SBNO2: variants seen among roughly 807,000 people sequenced by gnomAD.
The protein encoded by SBNO2 is strawberry notch homolog 2.
A neutral mutation model predicts 146.3 loss-of-function variants in SBNO2; 89 were observed. The ratio of observed to expected loss-of-function variants is 0.61; its 90% CI spans 0.51 to 0.73. SBNO2 has a LOEUF of 0.73. Ranked by LOEUF, SBNO2 falls within the 30% of genes least tolerant of loss-of-function variation. The pLI, the probability that SBNO2 is intolerant of heterozygous loss-of-function variation, is 0.00. For missense variants in SBNO2, 2,092 were observed against 2,003.7 expected, an observed-to-expected ratio of 1.04 and a Z score of -0.84; for synonymous variants, 1,147 against 892.6, an observed-to-expected ratio of 1.29 and a Z score of -5.08.
At chr19:1,118,880 CA>C (rs3842428) in intron 14 of SBNO2, 130 bp downstream of exon 14, 642 of 898,510 alleles carry the variant, frequency 7.1e-4, no homozygotes, top group Middle Eastern at 1.0e-3. Context: ...AAAAAAACAA[CA>C]AAAAAAAAAC....
Position 1,144,206 on chromosome 19 carries a change from G to A in SBNO2, c.279+3103C>T, listed in dbSNP as rs1285620534. ...CACACTCGACACCACAGAACCTTGC[G>A]GCCCAGCCCACAGGACTGAGCTGAC... On this transcript the variant is annotated intron_variant, in intron 4 of 31. Coordinates refer to ENST00000361757, the MANE Select transcript of SBNO2 (RefSeq NM_014963.3). This position sits in a 1 kb window ranked among gnomAD's most constrained non-coding sequence, Gnocchi z 4.1. Among the ~76,000 whole-genome samples the A allele has an allele frequency of 5.3e-5, 8 of 151,854 alleles. No individual in the cohort carries two copies. Among genetic ancestry groups the A allele is most frequent in the African/African-American group, 2.4e-5 (1 of 41,316 alleles).
intron 4 of SBNO2, among the ~76,000 whole-genome samples, chr19:1,138,519 A>G (rs1227787788): frequency 1.3e-5 from 2 of 152,028 alleles, no homozygotes; most frequent in African/African-American, 4.8e-5. Context: ...ACTCCTGGGT[A>G]TGAGCCCAAG....
chr19:1,123,920 C>T, intron 6 of SBNO2, 22 bp downstream of exon 6: 1 of 1,606,186 alleles, frequency 6.2e-7, no homozygotes, highest in East Asian at 2.2e-5. Flanking sequence ...GGGGAGGGAG[C>T]TCTCGGCTGG....
chr19:1,162,602 G>C (rs1209879050), intron 1 of SBNO2, among the ~76,000 whole-genome samples: 1 of 152,130 alleles, frequency 6.6e-6, no homozygotes, highest in African/African-American at 2.4e-5. Context: ...CATCGGCCTT[G>C]AGGGACCAGA....
intron 4 of SBNO2, chr19:1,128,035 T>G (rs1297181995): frequency 5.6e-6 from 3 of 539,478 alleles, no homozygotes; most frequent in Non-Finnish European, 1.0e-5. Context: ...AGCCTGGTTT[T>G]GAACTCCTGA....
chr19:1,170,154 C>A (rs993061469), intron 1 of SBNO2, among the ~76,000 whole-genome samples: 1 of 152,210 alleles, frequency 6.6e-6, no homozygotes, highest in African/African-American at 2.4e-5. Context: ...CTAATCTCCG[C>A]CTCCTCACGG....
At chr19:1,117,009 G>A (rs1355219117) in intron 15 of SBNO2, 83 bp from the exon 16 acceptor site, 9 of 1,233,440 alleles carry the variant, frequency 7.3e-6, no homozygotes, top group East Asian at 2.6e-5. Flanking sequence ...CTGGGGTGAT[G>A]GCCACATCCC....
intron 16 of SBNO2, among the ~76,000 whole-genome samples, chr19:1,116,447 G>T (rs1270439543): frequency 2.0e-5 from 3 of 152,042 alleles, no homozygotes; most frequent in Non-Finnish European, 4.4e-5. Flanking sequence ...GGGGGATCTA[G>T]GGGGGCTGCT....
chr19:1,141,753 C>T (rs921731565), intron 4 of SBNO2, among the ~76,000 whole-genome samples: 20 of 152,216 alleles, frequency 1.3e-4, no homozygotes, highest in Admixed American at 1.2e-3. Flanking sequence ...GACCCAAATA[C>T]TGGGACTACA....
Position 1,111,617 on chromosome 19 carries a change from A to AG in SBNO2, c.2701-4dup. On this transcript the variant is annotated splice_polypyrimidine_tract_variant and splice_region_variant and intron_variant, in intron 23 of 31. Transcript: ENST00000361757. ...CAGTGCAGGGCCCGGGTGCCATACT[A>AG]GGGGGAGAAGGTGACTCGGGGAGGA... The AG allele has an allele frequency of 6.4e-7, 1 of 1,573,976 alleles. No homozygotes were observed. Among genetic ancestry groups the AG allele is most frequent in the Non-Finnish European group, 8.6e-7 (1 of 1,159,452 alleles).
In SBNO2 at chr19:1,126,741, G is replaced by A. The variant is rs543086838; in HGVS notation, c.441+863C>T. Among the ~76,000 whole-genome samples the A allele has an allele frequency of 1.2e-3, 186 of 152,308 alleles. 1 individual carries two copies. Among genetic ancestry groups the A allele is most frequent in the African/African-American group, 4.1e-3 (169 of 41,572 alleles). Reference sequence around the variant, plus strand: ...GCGGAGGCTGGCATGGGCCCTCACCGGAAGGCGCTCAGTCCCAGAGACATG... The same window carrying A: ...GCGGAGGCTGGCATGGGCCCTCACCAGAAGGCGCTCAGTCCCAGAGACATG... On this transcript the variant is annotated intron_variant, in intron 5 of 31. Coordinates refer to ENST00000361757, the MANE Select transcript of SBNO2 (RefSeq NM_014963.3). This position sits in a 1 kb window ranked among gnomAD's most constrained non-coding sequence, Gnocchi z 4.4.
At chr19:1,131,232 C>T (rs1458744026) in intron 4 of SBNO2, among the ~76,000 whole-genome samples, 2 of 152,188 alleles carry the variant, frequency 1.3e-5, no homozygotes, top group African/African-American at 2.4e-5. Flanking sequence ...TCAGCGGACC[C>T]AGTGCCTCCC....
chr19:1,109,219 C>G lies in SBNO2; in HGVS notation c.3349-8G>C, dbSNP rs1164634647. ...GGCCTCCTCCGCGGTGACCTAGGGA[C>G]ACAGGGCCGCATGAGCCTGGGCGGG... is the stretch of plus-strand genomic sequence containing the variant. On this transcript the variant is annotated splice_region_variant and splice_polypyrimidine_tract_variant and intron_variant, in intron 29 of 31. Transcript: ENST00000361757. The surrounding 1 kb of genome is among the most constrained non-coding windows in gnomAD (Gnocchi z 4.2). 6.4e-7 allele frequency: 1 copy of G among 1,569,132 alleles called. No homozygotes were observed. The highest frequency in any genetic ancestry group is 1.9e-5 in the Admixed American group (1 of 53,034).
Position 1,174,239 on chromosome 19 carries a change from C to A in SBNO2, c.-194G>T, listed in dbSNP as rs1216947535. The A allele has an allele frequency of 6.6e-6, 1 of 151,764 alleles. No individual in the cohort carries two copies. Among genetic ancestry groups the A allele is most frequent in the African/African-American group, 2.4e-5 (1 of 41,328 alleles). 9.4% of individuals were successfully genotyped at this position (151,764 alleles called of 1,614,324 possible). On this transcript the variant is annotated 5_prime_UTR_variant, in exon 1 of 32. Coordinates refer to ENST00000361757, the MANE Select transcript of SBNO2 (RefSeq NM_014963.3). Reference sequence around the variant, plus strand: ...TTTCTCCGAGCCTCGCAGCTGCCGCCGCTCACTTCCGGGTTTCGGGCGCCA... The same window carrying A: ...TTTCTCCGAGCCTCGCAGCTGCCGCAGCTCACTTCCGGGTTTCGGGCGCCA...
rs1401043740 is a variant in SBNO2, at chr19:1,166,181, T to C, written c.-127+7991A>G. Among the ~76,000 whole-genome samples the C allele has an allele frequency of 7.5e-3, 285 of 37,942 alleles. 3 individuals are homozygous for C. Among genetic ancestry groups the C allele is most frequent in the African/African-American group, 0.032 (276 of 8,692 alleles). The allele number at this position is 37,942 out of a possible 152,430, so 24.9% of individuals were successfully genotyped here. A position where few individuals can be genotyped will look rare whatever the true frequency, so the allele number is the denominator to read the frequency against. ...AGACTTCAGATCCCCAGACCCCAGA[T>C]CCCAGACTTCAGATCCCCGGATCCC... On this transcript the variant is annotated intron_variant, in intron 1 of 31. Transcript: ENST00000361757.
rs776228232 is a variant in SBNO2, at chr19:1,136,848, G to C, written c.280-9083C>G. Among the ~76,000 whole-genome samples the C allele has an allele frequency of 6.6e-6, 1 of 152,066 alleles. No homozygotes were observed. Among genetic ancestry groups the C allele is most frequent in the Non-Finnish European group, 1.5e-5 (1 of 68,000 alleles). ...CATCCTGAGCTTCCCAGAAGCCCCC[G>C]GGCTGCCAGGCAGAGAGTGTTGTTA... On this transcript the variant is annotated intron_variant, in intron 4 of 31. Transcript: ENST00000361757. The surrounding 1 kb of genome is among the most constrained non-coding windows in gnomAD (Gnocchi z 4.2).
At chr19:1,172,948 G>A (rs2080495065) in intron 1 of SBNO2, among the ~76,000 whole-genome samples, 1 of 151,872 alleles carries the variant, frequency 6.6e-6, no homozygotes, top group Non-Finnish European at 1.5e-5. Flanking sequence ...AGGCATTCCG[G>A]GAAGAAGCAG....
chr19:1,112,877 C>A lies in SBNO2; in HGVS notation c.2320G>T (p.Gly774Cys). Reference sequence around the variant, plus strand: ...AGGTTCACGTGGTCGATGGACAGACCCTGCTCTGCCCGCGACTCGAAGGCC... The same window carrying A: ...AGGTTCACGTGGTCGATGGACAGACACTGCTCTGCCCGCGACTCGAAGGCC... ...TVAFESRAEQ[G>C]LSIDHVNLRE... Residue 774 changes from glycine to cysteine, a missense_variant, in exon 20 of 32, where the codon GGT becomes TGT. Coordinates refer to ENST00000361757, the MANE Select transcript of SBNO2 (RefSeq NM_014963.3). The surrounding 1 kb of genome is among the most constrained non-coding windows in gnomAD (Gnocchi z 5.9). The A allele has an allele frequency of 1.3e-6, 2 of 1,573,546 alleles. No homozygotes were observed. Among genetic ancestry groups the A allele is most frequent in the Non-Finnish European group, 8.6e-7 (1 of 1,161,006 alleles).
At chr19:1,172,348 G>A (rs1333900542) in intron 1 of SBNO2, among the ~76,000 whole-genome samples, 1 of 152,198 alleles carries the variant, frequency 6.6e-6, no homozygotes, top group African/African-American at 2.4e-5. Flanking sequence ...AACTCTGAAG[G>A]TGGCCCGGAG....
Sources: allele counts gnomAD v4.1 joint callset (sites outside exome capture counted in the v4.1 genomes callset), GRCh38; gene constraint gnomAD v4.1.1; non-coding constraint Gnocchi (gnomAD v3.1); transcripts MANE v1.5; gene names NCBI Gene and HGNC (gene_info 2026-07-23, HGNC 2026-07-21).